The following TENM1 variants were observed in gnomAD, a reference collection of about 807,000 sequenced individuals.
The protein encoded by TENM1 is teneurin-1.
TENM1 carries 35 observed loss-of-function variants against 174.8 expected under a neutral mutation model. The ratio of observed to expected loss-of-function variants is 0.20; its 90% CI spans 0.15 to 0.27. TENM1 has a LOEUF of 0.27. TENM1 is among the 10% of genes least tolerant of loss of function. The pLI, the probability that TENM1 is intolerant of heterozygous loss-of-function variation, is 1.00. For missense variants in TENM1, 1,633 were observed against 2,130.1 expected (o/e 0.77, Z 4.59); for synonymous variants, 781 against 798.7 (o/e 0.98, Z 0.37).
intron 2 of TENM1, among the ~76,000 whole-genome samples, chrX:124,895,057 C>T (rs888283834): frequency 9.0e-6 from 1 of 111,351 alleles, no homozygotes; most frequent in African/African-American, 3.3e-5. Flanking sequence ...AGTAGGCAAC[C>T]TCTAATTCCT....
the TENM1 span, among the ~76,000 whole-genome samples, chrX:125,155,797 G>T: frequency 3.6e-5 from 4 of 112,546 alleles, no homozygotes; most frequent in Non-Finnish European, 7.5e-5. Flanking sequence ...ACTCGTTCTG[G>T]CCCGCAAGCA....
chrX:124,450,154 G>T (rs2061014191), intron 23 of TENM1, among the ~76,000 whole-genome samples: 1 of 110,058 alleles, frequency 9.1e-6, no homozygotes. Context: ...TTTTAAAAAT[G>T]GGAGTTTTCC....
At chrX:124,927,028 T>C (rs2058101535) in intron 1 of TENM1, among the ~76,000 whole-genome samples, 1 of 112,145 alleles carries the variant, frequency 8.9e-6, no homozygotes, top group South Asian at 3.7e-4. Context: ...TTGTAAATCA[T>C]AACGACAACA....
chrX:124,604,541 G>A (rs1460175623), intron 11 of TENM1, among the ~76,000 whole-genome samples: 1 of 111,140 alleles, frequency 9.0e-6, no homozygotes, highest in African/African-American at 3.3e-5. Context: ...GTTGATGTGT[G>A]AGTTAGAATT....
chrX:124,730,350 G>A (rs752629041), intron 4 of TENM1, among the ~76,000 whole-genome samples: 16 of 111,481 alleles, frequency 1.4e-4, no homozygotes, highest in Non-Finnish European at 2.4e-4. Flanking sequence ...TAATATTTAC[G>A]GAGTGCTCAT....
In TENM1 at chrX:124,817,014, T is replaced by A. The variant is rs996744721; in HGVS notation, c.535+77282A>T. ...TCAACCTGTCATCTACATTAGGTAT[T>A]TCTTCTAATGTTATTCCTCCCCTAG... On this transcript the variant is annotated intron_variant, in intron 3 of 31. Transcript: ENST00000422452. 4.5e-5 allele frequency among the ~76,000 whole-genome samples: 5 copies of A among 110,705 alleles called. 1 individual carries two copies. Among genetic ancestry groups the A allele is most frequent in the African/African-American group, 1.6e-4 (5 of 30,375 alleles).
chrX:124,820,507 T>C (rs1404800896), intron 3 of TENM1, among the ~76,000 whole-genome samples: 4 of 111,853 alleles, frequency 3.6e-5, no homozygotes, highest in African/African-American at 1.3e-4. Context: ...AGAAGGGTCC[T>C]TGAAGTTCAT....
At chrX:124,569,376 A>G (rs935924772) in intron 11 of TENM1, among the ~76,000 whole-genome samples, 1 of 112,215 alleles carries the variant, frequency 8.9e-6, no homozygotes, top group Non-Finnish European at 1.9e-5. Context: ...AAGAATATGA[A>G]ATATTTGAGC....
chrX:124,987,817 G>A, the TENM1 span, among the ~76,000 whole-genome samples: 1 of 107,385 alleles, frequency 9.3e-6, no homozygotes, highest in Non-Finnish European at 1.9e-5. Flanking sequence ...ATGCTTCTTA[G>A]CTACTTTAAC....
intron 3 of TENM1, among the ~76,000 whole-genome samples, chrX:124,798,699 C>T (rs1804784517): frequency 9.0e-6 from 1 of 111,553 alleles, no homozygotes; most frequent in South Asian, 3.8e-4. Context: ...TTAATTAGAT[C>T]CCATTTGTCA....
the TENM1 span, among the ~76,000 whole-genome samples, chrX:125,081,166 T>C: frequency 2.7e-5 from 3 of 111,316 alleles, no homozygotes; most frequent in African/African-American, 6.5e-5. Context: ...CACTCAAAAA[T>C]ATTTGTTGAC....
rs1264686988 is a variant in TENM1 at position 124,546,754 on chromosome X, G to T, written c.2651+120C>A. 5 of 614,561 alleles carry T rather than the reference G, an allele frequency of 8.1e-6. No individual in the cohort carries two copies. In the South Asian group the frequency reaches 1.6e-4, roughly 20 times the overall value. The allele number at this position is 614,561 out of a possible 1,213,427, so 50.6% of individuals were successfully genotyped here. ...TGGCTTTCCAGAGAAGTCCTAAAAA[G>T]AAATGAACGTGGATTATGTGGAATG... On this transcript the variant is annotated intron_variant, in intron 15 of 31. Coordinates refer to ENST00000422452, the Ensembl canonical transcript of TENM1.
the TENM1 span, among the ~76,000 whole-genome samples, chrX:125,037,806 G>T: frequency 2.2e-4 from 24 of 111,381 alleles, no homozygotes; most frequent in African/African-American, 7.8e-4. Flanking sequence ...TCATAAATTA[G>T]TCTCTCTAGG....
At chrX:124,561,609 T>C in intron 14 of TENM1, 62 bp downstream of exon 17, 1 of 1,179,066 alleles carries the variant, frequency 8.5e-7, no homozygotes, top group Non-Finnish European at 1.1e-6. Context: ...GCCAGGTTGA[T>C]TACCACTGTG....
At chrX:124,443,808 C>G (rs779509269) in intron 23 of TENM1, among the ~76,000 whole-genome samples, 1 of 111,817 alleles carries the variant, frequency 8.9e-6, no homozygotes, top group Admixed American at 9.4e-5. Flanking sequence ...TTTCTCATGA[C>G]ACCTTTACAG....
intron 3 of TENM1, among the ~76,000 whole-genome samples, chrX:124,761,646 A>G (rs1165517296): frequency 1.8e-5 from 2 of 110,403 alleles, no homozygotes; most frequent in Non-Finnish European, 3.8e-5. Context: ...TACATATGTA[A>G]CAAACCTGCA....
chrX:125,033,095 C>T, the TENM1 span, among the ~76,000 whole-genome samples: 2 of 110,833 alleles, frequency 1.8e-5, no homozygotes, highest in Non-Finnish European at 3.8e-5. Flanking sequence ...AAGATAATAA[C>T]GATAACACAA....
At chrX:124,698,553 G>A (rs2052702880) in intron 5 of TENM1, among the ~76,000 whole-genome samples, 2 of 110,926 alleles carry the variant, frequency 1.8e-5, no homozygotes, top group Middle Eastern at 4.7e-3. Flanking sequence ...CGTCCTGCCT[G>A]CCAAACCCAA....
chrX:124,851,914 G>C lies in TENM1; in HGVS notation c.535+42382C>G, dbSNP rs1419825023. Among the ~76,000 whole-genome samples, 3 of 111,095 alleles carry C rather than the reference G, an allele frequency of 2.7e-5. No individual in the cohort carries two copies. The East Asian group carries it at 8.5e-4, about 32-fold the overall frequency. Reference sequence around the variant, plus strand: ...ACAATGTAAATATGTTTTTTTCATAGAGATAAACGATACAGAATGCTCTAA... The same window carrying C: ...ACAATGTAAATATGTTTTTTTCATACAGATAAACGATACAGAATGCTCTAA... On this transcript the variant is annotated intron_variant, in intron 3 of 31. Transcript: ENST00000422452.
Sources: allele counts gnomAD v4.1 joint callset (sites outside exome capture counted in the v4.1 genomes callset), GRCh38; gene constraint gnomAD v4.1.1; transcripts MANE v1.5; gene names NCBI Gene and HGNC (gene_info 2026-07-23, HGNC 2026-07-21).